The following ABCA5 variants were observed in gnomAD, a reference collection of about 807,000 sequenced individuals.
The protein encoded by ABCA5 is ATP binding cassette subfamily A member 5.
A neutral mutation model predicts 206.0 loss-of-function variants in ABCA5; 163 were observed. The observed-to-expected ratio is 0.79, with a 90% CI of 0.70 to 0.90. The LOEUF is 0.90. Ranked by LOEUF, ABCA5 falls within the 40% of genes least tolerant of loss-of-function variation. ABCA5 has a pLI of 0.00. For synonymous variants in ABCA5, 609 were observed against 613.8 expected (o/e 0.99, Z 0.11); for missense variants, 1,859 against 1,912.9 (o/e 0.97, Z 0.53).
intron 9 of ABCA5, among the ~76,000 whole-genome samples, chr17:69,298,283 G>GGAA (rs2075610228): frequency 1.0e-5 from 1 of 95,316 alleles, no homozygotes; most frequent in Non-Finnish European, 2.1e-5. Context: ...AAGGAAGGAA[G>GGAA]GGAGGGAGGG....
chr17:69,259,150 T>A (rs1361478633), intron 28 of ABCA5, among the ~76,000 whole-genome samples: 1 of 152,038 alleles, frequency 6.6e-6, no homozygotes, highest in Non-Finnish European at 1.5e-5. Context: ...ACATTGTTCA[T>A]AATAGCTGAA....
intron 37 of ABCA5, chr17:69,248,716 T>C (rs539690632): frequency 6.2e-6 from 1 of 162,246 alleles, no homozygotes; most frequent in African/African-American, 2.4e-5. Flanking sequence ...TGTTTTGTTT[T>C]GTTTTTAAGA....
intron 15 of ABCA5, among the ~76,000 whole-genome samples, chr17:69,286,890 A>G (rs2075460848): frequency 1.3e-5 from 2 of 152,188 alleles, no homozygotes; most frequent in South Asian, 2.1e-4. Flanking sequence ...ATATGTATGT[A>G]TGTGTATAAA....
rs2074959244 is a variant in ABCA5, at chr17:69,247,031, T to G, written c.*506A>C. 1.3e-5 allele frequency: 2 copies of G among 152,166 alleles called. No individual in the cohort carries two copies. 9.4% of individuals were successfully genotyped at this position (152,166 alleles called of 1,614,324 possible). A position where few individuals can be genotyped will look rare whatever the true frequency, so the allele number is the denominator to read the frequency against. On this transcript the variant is annotated 3_prime_UTR_variant, in exon 39 of 39. Transcript: ENST00000392676. ...CTCTATATTGAGATTTCCTAGTGCTTACACTTCAGCTTTTACGGATGACAA... is the reference window on the plus strand; with the variant it reads ...CTCTATATTGAGATTTCCTAGTGCTGACACTTCAGCTTTTACGGATGACAA...
At chr17:69,251,658 A>G (rs2075014614) in intron 35 of ABCA5, 89 bp downstream of exon 35, 1 of 1,476,758 alleles carries the variant, frequency 6.8e-7, no homozygotes, top group African/African-American at 1.4e-5. Flanking sequence ...CATTTAAATT[A>G]CTAACTATTG....
At chr17:69,276,096 C>T (rs1017623261) in intron 19 of ABCA5, among the ~76,000 whole-genome samples, 17 of 34,586 alleles carry the variant, frequency 4.9e-4, no homozygotes, top group South Asian at 1.3e-3. Flanking sequence ...TTTGGGGGGG[C>T]GGGGGGGCAG....
Position 69,276,760 on chromosome 17 carries a change from C to T in ABCA5, c.2594+881G>A, listed in dbSNP as rs111604186. Among the ~76,000 whole-genome samples, 944 of 152,186 alleles carry T rather than the reference C, an allele frequency of 6.2e-3. 9 individuals are homozygous for T. Among genetic ancestry groups the T allele is most frequent in the African/African-American group, 0.022 (905 of 41,530 alleles). The stretch of plus-strand genomic sequence containing the variant: ...GCACATGCATACCTATGTAACAAAC[C>T]TGCAAGTTCTGCACATATATCCCAG... On this transcript the variant is annotated intron_variant, in intron 19 of 38. Transcript: ENST00000392676.
chr17:69,251,184 T>C (rs2075009269), intron 35 of ABCA5: 1 of 153,202 alleles, frequency 6.5e-6, no homozygotes, highest in South Asian at 2.1e-4. Context: ...ACATGATATC[T>C]GCACAACATC....
chr17:69,318,748 A>C (rs75295694), intron 1 of ABCA5: 32,716 of 644,508 alleles, frequency 0.051, 1,036 homozygotes, highest in Non-Finnish European at 0.066. Context: ...CAAAGCTTAC[A>C]CTCCCGAGTT....
At chr17:69,264,939 T>C in intron 23 of ABCA5, 34 bp from the exon 24 acceptor site, 1 of 1,366,062 alleles carries the variant, frequency 7.3e-7, no homozygotes, top group Non-Finnish European at 9.7e-7. Context: ...ATTATAATTT[T>C]AGACACTTTA....
rs749425721 is a variant in ABCA5 at position 69,289,908 on chromosome 17, A to C, written c.1736T>G (p.Ile579Ser). Residue 579 changes from isoleucine (I) to serine (S), a missense_variant, in exon 13 of 39, where the codon ATT (isoleucine) becomes AGT (serine). Physicochemically the swap from Ile to Ser is moderately radical, Grantham distance 142 (BLOSUM62 -2). Coordinates refer to ENST00000392676, the MANE Select transcript of ABCA5 (RefSeq NM_172232.4). ...DVLTVEENLS[I>S]LASIKGIPAN... ...TGGTATCCCTTTGATTGAAGCCAAA[A>C]TTGATAAATTTTCTTCTACTGTCAA... The C allele has an allele frequency of 6.2e-7, 1 of 1,611,880 alleles. No homozygotes were observed. The highest frequency in any genetic ancestry group is 8.5e-7 in the Non-Finnish European group (1 of 1,179,186).
intron 12 of ABCA5, among the ~76,000 whole-genome samples, 197 bp from the exon 13 acceptor site, chr17:69,290,234 T>C (rs2075510996): frequency 6.6e-6 from 1 of 152,100 alleles, no homozygotes; most frequent in Admixed American, 6.6e-5. Context: ...TTTCCATCAC[T>C]TACAGGTCAT....
intron 18 of ABCA5, among the ~76,000 whole-genome samples, chr17:69,278,756 A>G (rs370429301): frequency 5.3e-5 from 8 of 152,230 alleles, no homozygotes; most frequent in African/African-American, 1.9e-4. Flanking sequence ...TTAAAATTCT[A>G]GCATATAAAC....
chr17:69,304,502 T>C, intron 7 of ABCA5, 167 bp downstream of exon 7: 2 of 526,520 alleles, frequency 3.8e-6, no homozygotes, highest in Non-Finnish European at 6.3e-6. Flanking sequence ...TTACTAAAAA[T>C]ACAGGAATAC....
At chr17:69,298,229 T>TAGGTAGGAAGGAAGGA (rs1253604474) in intron 9 of ABCA5, among the ~76,000 whole-genome samples, 1 of 33,500 alleles carries the variant, frequency 3.0e-5, no homozygotes, top group African/African-American at 8.8e-5. Context: ...GGAAGGTAGG[T>TAGGTAGGAAGGAAGGA]AGGAAGGAAG....
rs1225730813 is a variant in ABCA5, at chr17:69,281,758, A to T, written c.2392+2195T>A. Among the ~76,000 whole-genome samples, 84 of 152,180 alleles carry T rather than the reference A, an allele frequency of 5.5e-4. 1 individual carries two copies. Among genetic ancestry groups the T allele is most frequent in the Non-Finnish European group, 5.9e-5 (4 of 68,038 alleles). Reference sequence around the variant, plus strand: ...AAAATTTGACTACCAAACCATGAATAATTAAATTCTAGTAATATTTTAAGT... The same window carrying T: ...AAAATTTGACTACCAAACCATGAATTATTAAATTCTAGTAATATTTTAAGT... On this transcript the variant is annotated intron_variant, in intron 18 of 38. Coordinates refer to ENST00000392676, the MANE Select transcript of ABCA5 (RefSeq NM_172232.4).
chr17:69,291,498 T>C (rs539664988), intron 11 of ABCA5, among the ~76,000 whole-genome samples, 172 bp from the exon 12 acceptor site: 1 of 152,324 alleles, frequency 6.6e-6, no homozygotes, highest in East Asian at 1.9e-4. Flanking sequence ...GTCAACGATA[T>C]AAACAGTAAT....
At position 69,274,146 on chromosome 17, in the gene ABCA5, A is replaced by C. The variant is rs747670201; in HGVS notation, c.2595-18T>G. 4 of 1,558,024 alleles carry C rather than the reference A, an allele frequency of 2.6e-6. No homozygotes were observed. The highest frequency in any genetic ancestry group is 3.4e-6 in the Non-Finnish European group (4 of 1,160,916). On this transcript the variant is annotated intron_variant, in intron 19 of 38. Coordinates refer to ENST00000392676, the MANE Select transcript of ABCA5 (RefSeq NM_172232.4). ...GAAGCAACCTGAAAAGAAAAAAAAA[A>C]CAACACAGCTCAGGGTACAAAGGTA...
rs2075648191 is a variant in ABCA5 at position 69,301,134 on chromosome 17, C to G, written c.1267+5G>C. The stretch of plus-strand genomic sequence containing the variant: ...TAAAGTAAAATTCAAAAACCATCTG[C>G]ATACCTGGAATGACTTGATCAAGAT... On this transcript the variant is annotated splice_donor_5th_base_variant and intron_variant, in intron 9 of 38. Coordinates refer to ENST00000392676, the MANE Select transcript of ABCA5 (RefSeq NM_172232.4). 6.7e-7 allele frequency: 1 copy of G among 1,499,934 alleles called. No individual in the cohort carries two copies. Among genetic ancestry groups the G allele is most frequent in the South Asian group, 1.4e-5 (1 of 69,156 alleles). 92.9% of individuals were successfully genotyped at this position (1,499,934 alleles called of 1,614,324 possible).
Sources: allele counts gnomAD v4.1 joint callset (sites outside exome capture counted in the v4.1 genomes callset), GRCh38; gene constraint gnomAD v4.1.1; transcripts MANE v1.5; gene names NCBI Gene and HGNC (gene_info 2026-07-23, HGNC 2026-07-21).